PARPBP: variants seen among roughly 807,000 people sequenced by gnomAD.
PARPBP encodes the protein PCNA-interacting partner.
Under a neutral mutation model 50.0 loss-of-function variants are expected in PARPBP, and 52 were observed. That is an observed-to-expected ratio of 1.04 (90% CI 0.83 to 1.31). PARPBP has a LOEUF of 1.31. PARPBP is among the 50% of genes most tolerant of loss of function. PARPBP has a pLI of 0.00. For synonymous variants in PARPBP, 244 were observed against 232.1 expected, an observed-to-expected ratio of 1.05 and a Z score of -0.47; for missense variants, 697 against 672.0, an observed-to-expected ratio of 1.04 and a Z score of -0.41.
In PARPBP at chr12:102,187,888, G is replaced by A. The variant is rs549513215; in HGVS notation, c.1263+5261G>A. ...GGGGAAAATATATTTTAAAGACATA[G>A]GAGAGCTATATAATCAAAGAATTTT... On this transcript the variant is annotated intron_variant, in intron 9 of 10. Coordinates refer to ENST00000327680, the MANE Select transcript of PARPBP (RefSeq NM_017915.5). Among the ~76,000 whole-genome samples, 8 of 152,254 alleles carry A rather than the reference G, an allele frequency of 5.3e-5. No individual in the cohort carries two copies. The East Asian group carries it at 1.5e-3, about 29-fold the overall frequency.
At chr12:102,141,448 G>T (rs1187885373) in intron 2 of PARPBP, among the ~76,000 whole-genome samples, 1 of 152,082 alleles carries the variant, frequency 6.6e-6, no homozygotes, top group African/African-American at 2.4e-5. Context: ...CAATTTGCCA[G>T]TCTGTGTCTT....
chr12:102,158,274 C>A (rs559416207), intron 4 of PARPBP, among the ~76,000 whole-genome samples: 1 of 152,072 alleles, frequency 6.6e-6, no homozygotes, highest in Non-Finnish European at 1.5e-5. Context: ...AATTCTCTAC[C>A]AATTTAGGGG....
intron 3 of PARPBP, among the ~76,000 whole-genome samples, chr12:102,149,945 T>C (rs781473023): frequency 2.6e-5 from 4 of 152,220 alleles, no homozygotes; most frequent in Admixed American, 6.5e-5. Flanking sequence ...CAGTACTGGA[T>C]TGTAGGACAA....
chr12:102,141,624 C>A (rs1039537822), intron 2 of PARPBP, among the ~76,000 whole-genome samples: 2 of 152,048 alleles, frequency 1.3e-5, no homozygotes, highest in Non-Finnish European at 2.9e-5. Flanking sequence ...TGGCTGGTAC[C>A]AGTTTTTCCT....
intron 2 of PARPBP, among the ~76,000 whole-genome samples, chr12:102,140,963 A>C (rs1319449004): frequency 6.6e-6 from 1 of 152,146 alleles, no homozygotes; most frequent in Non-Finnish European, 1.5e-5. Context: ...TATTCTGTTG[A>C]TTTGGGGTGG....
chr12:102,195,301 T>C lies in PARPBP; in HGVS notation c.1264-11T>C. 1 of 1,391,386 alleles carries C rather than the reference T, an allele frequency of 7.2e-7. No individual in the cohort carries two copies. The highest frequency in any genetic ancestry group is 1.4e-5 in the South Asian group (1 of 73,698). 86.2% of individuals were successfully genotyped at this position (1,391,386 alleles called of 1,614,324 possible). A position where few individuals can be genotyped will look rare whatever the true frequency, so the allele number is the denominator to read the frequency against. On this transcript the variant is annotated splice_polypyrimidine_tract_variant and intron_variant, in intron 9 of 10. Transcript: ENST00000327680. ...AAATTTGCATATTTTCTTCTTTCTT[T>C]CTGTTACTAGATGAAGCAAACTTTA...
intron 2 of PARPBP, among the ~76,000 whole-genome samples, chr12:102,128,927 A>G (rs1057469765): frequency 2.6e-5 from 4 of 152,178 alleles, no homozygotes; most frequent in African/African-American, 9.7e-5. Context: ...ATTTCCACCA[A>G]CAGTATACAA....
chr12:102,162,509 A>G (rs1235479481), intron 4 of PARPBP, among the ~76,000 whole-genome samples: 1 of 152,172 alleles, frequency 6.6e-6, no homozygotes, highest in Non-Finnish European at 1.5e-5. Context: ...AAAAATAGGA[A>G]GAAAATTCCA....
At chr12:102,157,394 C>G (rs1887070094) in intron 4 of PARPBP, among the ~76,000 whole-genome samples, 1 of 151,714 alleles carries the variant, frequency 6.6e-6, no homozygotes, top group African/African-American at 2.4e-5. Context: ...CTCCATTTGT[C>G]CCCAAAATGG....
Position 102,196,211 on chromosome 12 carries a change from G to T in PARPBP, c.1660G>T (p.Val554Leu). The change falls in exon 11 of 11, where the codon GTA becomes TTA. Residue 554 changes from valine (V) to leucine (L), a missense_variant. Transcript: ENST00000327680. ...QNRLYGKLAK[V>L]AKSNKCTAKD... ...TAGATTGTACGGCAAACTAGCTAAA[G>T]TAGCAAAAAGTAATAAATGTACTGC... 1 of 1,610,992 alleles carries T rather than the reference G, an allele frequency of 6.2e-7. No homozygotes were observed. The highest frequency in any genetic ancestry group is 1.1e-5 in the South Asian group (1 of 90,532).
chr12:102,147,628 A>G (rs1326603737), intron 2 of PARPBP, among the ~76,000 whole-genome samples: 2 of 151,528 alleles, frequency 1.3e-5, no homozygotes, highest in Non-Finnish European at 2.9e-5. Flanking sequence ...TGACGAGTTA[A>G]TGGGTGCGGC....
intron 7 of PARPBP, among the ~76,000 whole-genome samples, chr12:102,177,973 C>G (rs576490607): frequency 1.3e-5 from 2 of 152,254 alleles, no homozygotes; most frequent in Non-Finnish European, 1.5e-5. Context: ...TTTTGTACTC[C>G]CACTGCACTG....
intron 2 of PARPBP, among the ~76,000 whole-genome samples, chr12:102,144,478 C>T (rs1385059804): frequency 6.6e-6 from 1 of 152,154 alleles, no homozygotes; most frequent in African/African-American, 2.4e-5. Flanking sequence ...AATATGCTGT[C>T]ATGGTGGGCA....
chr12:102,155,066 A>G (rs1049238620), intron 4 of PARPBP: 4 of 267,962 alleles, frequency 1.5e-5, no homozygotes, highest in Admixed American at 4.9e-5. Context: ...CCTATGACCT[A>G]TAAGCCCCAT....
At position 102,121,215 on chromosome 12, in the gene PARPBP, A is replaced by C. The variant is rs182029965; in HGVS notation, c.-4+929A>C. 2.5e-3 allele frequency among the ~76,000 whole-genome samples: 385 copies of C among 152,330 alleles called. 1 individual carries two copies. Among genetic ancestry groups the C allele is most frequent in the Admixed American group, 4.3e-3 (66 of 15,306 alleles). On this transcript the variant is annotated intron_variant, in intron 1 of 10. Transcript: ENST00000327680. ...AGCTGGGACTAGACCAGGGGTTGGCAAACTGGCTGTGCTGCCTGTTTTTGT... is the reference window on the plus strand; with the variant it reads ...AGCTGGGACTAGACCAGGGGTTGGCCAACTGGCTGTGCTGCCTGTTTTTGT...
intron 2 of PARPBP, among the ~76,000 whole-genome samples, chr12:102,147,998 T>G (rs907860703): frequency 6.0e-4 from 91 of 152,180 alleles, no homozygotes; most frequent in African/African-American, 1.9e-3. Flanking sequence ...AGTTTTATCA[T>G]GTGCAAACTT....
chr12:102,148,528 A>G, intron 3 of PARPBP, 65 bp downstream of exon 3: 1 of 631,248 alleles, frequency 1.6e-6, no homozygotes, highest in Non-Finnish European at 2.6e-6. Context: ...ATTTTGAATT[A>G]TAGTATCACC....
intron 9 of PARPBP, among the ~76,000 whole-genome samples, chr12:102,188,145 C>G (rs1166901790): frequency 6.6e-6 from 1 of 152,034 alleles, no homozygotes; most frequent in African/African-American, 2.4e-5. Flanking sequence ...TTATTTTTAC[C>G]TAGGACACAT....
At chr12:102,192,618 G>T (rs1474854144) in intron 9 of PARPBP, among the ~76,000 whole-genome samples, 1 of 151,970 alleles carries the variant, frequency 6.6e-6, no homozygotes, top group African/African-American at 2.4e-5. Flanking sequence ...TTAAATACTG[G>T]ACTTTGTTTA....
Sources: gnomAD v4.1 joint callset for allele counts (sites outside exome capture counted in the v4.1 genomes callset) on GRCh38, gnomAD v4.1.1 for gene constraint, MANE v1.5 for transcripts, NCBI Gene and HGNC (gene_info 2026-07-23, HGNC 2026-07-21) for gene names.